The following VTCN1 variants were observed in gnomAD, a reference collection of about 807,000 sequenced individuals.
VTCN1 encodes the protein V-set domain-containing T-cell activation inhibitor 1.
Under a neutral mutation model 26.5 loss-of-function variants are expected in VTCN1, and 26 were observed. The observed-to-expected ratio is 0.98, with a 90% CI of 0.72 to 1.36. The LOEUF (loss-of-function observed/expected upper bound fraction) is 1.36, where lower values mean the gene tolerates loss of function less well. Ranked by LOEUF, VTCN1 falls within the 40% of genes most tolerant of loss-of-function variation. VTCN1 has a pLI of 0.00. For synonymous variants in VTCN1, 116 were observed against 130.7 expected, an observed-to-expected ratio of 0.89 and a Z score of 0.77; for missense variants, 298 against 337.7, an observed-to-expected ratio of 0.88 and a Z score of 0.92.
chr1:117,195,727 A>G (rs1418000228), intron 1 of VTCN1, among the ~76,000 whole-genome samples: 1 of 152,142 alleles, frequency 6.6e-6, no homozygotes, highest in Non-Finnish European at 1.5e-5. Flanking sequence ...GAGGGGAAAA[A>G]TTTGGCCACA....
intron 1 of VTCN1, among the ~76,000 whole-genome samples, chr1:117,208,006 C>T (rs1202410866): frequency 6.6e-6 from 1 of 152,154 alleles, no homozygotes; most frequent in African/African-American, 2.4e-5. Context: ...CACCTTGACC[C>T]CCCTCTGAAG....
intron 1 of VTCN1, among the ~76,000 whole-genome samples, chr1:117,195,905 C>A (rs1025110645): frequency 6.6e-6 from 1 of 152,090 alleles, no homozygotes; most frequent in Non-Finnish European, 1.5e-5. Context: ...AATCCTAGCA[C>A]TTTAGGAGGA....
At chr1:117,160,913 G>C (rs1359280386) in intron 2 of VTCN1, among the ~76,000 whole-genome samples, 1 of 152,188 alleles carries the variant, frequency 6.6e-6, no homozygotes, top group Admixed American at 6.5e-5. Flanking sequence ...ATTTGCAGCA[G>C]AAAGAACAGA....
At chr1:117,157,048 C>T in intron 2 of VTCN1, 127 bp from the exon 3 acceptor site, 4 of 1,543,620 alleles carry the variant, frequency 2.6e-6, no homozygotes, top group Non-Finnish European at 3.5e-6. Context: ...ACATGAGAGG[C>T]AATAAGAAGA....
intron 2 of VTCN1, among the ~76,000 whole-genome samples, chr1:117,162,023 T>G (rs1405589508): frequency 6.6e-6 from 1 of 152,178 alleles, no homozygotes; most frequent in Non-Finnish European, 1.5e-5. Context: ...CGTTGAAATA[T>G]CTCCCAGAGA....
intron 1 of VTCN1, among the ~76,000 whole-genome samples, chr1:117,189,862 C>A (rs964854742): frequency 6.6e-6 from 1 of 151,688 alleles, no homozygotes; most frequent in Non-Finnish European, 1.5e-5. Flanking sequence ...TTTGTGGGAG[C>A]CTTGGAATCC....
chr1:117,184,810 C>T (rs907777030), intron 1 of VTCN1, among the ~76,000 whole-genome samples: 2 of 152,068 alleles, frequency 1.3e-5, no homozygotes, highest in Non-Finnish European at 2.9e-5. Context: ...GGATACCAAG[C>T]GTGTTGTGTT....
rs1044886002 is a variant in VTCN1, at chr1:117,169,426, G to T, written c.97+681C>A. Among the ~76,000 whole-genome samples, 1 of 152,178 alleles carries T rather than the reference G, an allele frequency of 6.6e-6. No individual in the cohort carries two copies. Among genetic ancestry groups the T allele is most frequent in the African/African-American group, 2.4e-5 (1 of 41,426 alleles). On this transcript the variant is annotated intron_variant, in intron 2 of 5. Coordinates refer to ENST00000369458, the MANE Select transcript of VTCN1 (RefSeq NM_024626.4). This position sits in a 1 kb window ranked among gnomAD's most constrained non-coding sequence, Gnocchi z 4.0. Reference sequence around the variant, plus strand: ...TTAACACTTCAGCTGAAGCTTCGTTGCAAAGAAATCATCTACCCAGGCCAA... The same window carrying T: ...TTAACACTTCAGCTGAAGCTTCGTTTCAAAGAAATCATCTACCCAGGCCAA...
At chr1:117,194,526 T>G (rs1270286978) in intron 1 of VTCN1, among the ~76,000 whole-genome samples, 1 of 152,164 alleles carries the variant, frequency 6.6e-6, no homozygotes, top group African/African-American at 2.4e-5. Flanking sequence ...TGGGTATATA[T>G]CCAAAGGAAA....
At chr1:117,173,414 A>G (rs1253536995) in intron 1 of VTCN1, 4 of 443,900 alleles carry the variant, frequency 9.0e-6, no homozygotes, top group Admixed American at 4.0e-5. Context: ...ATGAAAGCAG[A>G]GATCTACAAC....
Position 117,151,045 on chromosome 1 carries a change from C to G in VTCN1, c.724+2046G>C, listed in dbSNP as rs190429972. Among the ~76,000 whole-genome samples, 31 of 152,164 alleles carry G rather than the reference C, an allele frequency of 2.0e-4. 1 individual carries two copies. Among genetic ancestry groups the G allele is most frequent in the South Asian group, 2.1e-4 (1 of 4,820 alleles). ...AATGGACATTTTGGGTTGATTCTAT[C>G]TCTTGACTTTGGTGAATAGTGCTAC... On this transcript the variant is annotated intron_variant, in intron 4 of 5. Transcript: ENST00000369458.
Position 117,147,597 on chromosome 1 carries a change from T to G in VTCN1, c.*45+16A>C, listed in dbSNP as rs977967696. ...CCACAGAACCAATATCCCACACTAT[T>G]TGTGATTAATCTCACCTGTTGTAAC... On this transcript the variant is annotated intron_variant, in intron 5 of 5. Transcript: ENST00000369458. This position sits in a 1 kb window ranked among gnomAD's most constrained non-coding sequence, Gnocchi z 4.6. 31 of 1,595,502 alleles carry G rather than the reference T, an allele frequency of 1.9e-5. No individual in the cohort carries two copies. In the South Asian group the frequency reaches 3.3e-4, roughly 17 times the overall value.
At chr1:117,179,575 T>C (rs533990885) in intron 1 of VTCN1, among the ~76,000 whole-genome samples, 1 of 152,282 alleles carries the variant, frequency 6.6e-6, no homozygotes, top group South Asian at 2.1e-4. Context: ...GGCCTGCAAA[T>C]GCATGTGCAA....
chr1:117,195,881 T>G (rs374599559), intron 1 of VTCN1, among the ~76,000 whole-genome samples: 1 of 152,328 alleles, frequency 6.6e-6, no homozygotes, highest in East Asian at 1.9e-4. Flanking sequence ...TTGGGTGCGG[T>G]GGCTCACACC....
chr1:117,154,943 C>A (rs1651993656), intron 3 of VTCN1, among the ~76,000 whole-genome samples: 1 of 152,190 alleles, frequency 6.6e-6, no homozygotes, highest in African/African-American at 2.4e-5. Context: ...CAGAACACCA[C>A]CATGCTTTTA....
chr1:117,170,078 A>G, intron 2 of VTCN1, 29 bp downstream of exon 2: 2 of 1,598,760 alleles, frequency 1.3e-6, no homozygotes, highest in Non-Finnish European at 1.7e-6. Flanking sequence ...AGGGGTGAAT[A>G]GATTGTAGTA....
Position 117,156,876 on chromosome 1 carries a change from A to G in VTCN1, c.143T>C (p.Ile48Thr), listed in dbSNP as rs761558645. 2.1e-5 allele frequency: 34 copies of G among 1,613,846 alleles called. No individual in the cohort carries two copies. The Admixed American group carries it at 3.3e-4, about 16-fold the overall frequency. Residue 48 changes from isoleucine to threonine, a missense_variant, in exon 3 of 6, where the codon ATT becomes ACT. Transcript: ENST00000369458. ...GCAGCTCAGGATTCCATCCTCCCCA[A>G]TGTTCCCAGCTGAGGCGACAGTAGT... ...TVTTVASAGN[I>T]GEDGILSCTF...
At chr1:117,177,300 T>A (rs1363712873) in intron 1 of VTCN1, among the ~76,000 whole-genome samples, 1 of 152,148 alleles carries the variant, frequency 6.6e-6, no homozygotes, top group African/African-American at 2.4e-5. Context: ...GAAGCTTAGA[T>A]TGTTGTCTAC....
At chr1:117,152,658 A>T (rs1183347982) in intron 4 of VTCN1, among the ~76,000 whole-genome samples, 1 of 152,118 alleles carries the variant, frequency 6.6e-6, no homozygotes, top group African/African-American at 2.4e-5. Flanking sequence ...TAGTCTTCAG[A>T]TTCACAGCCT....
Sources: allele counts gnomAD v4.1 joint callset (sites outside exome capture counted in the v4.1 genomes callset), GRCh38; gene constraint gnomAD v4.1.1; non-coding constraint Gnocchi (gnomAD v3.1); transcripts MANE v1.5; gene names NCBI Gene and HGNC (gene_info 2026-07-23, HGNC 2026-07-21).